Variants in SRRM1 observed in about 807,000 individuals in gnomAD.
SRRM1 encodes serine/arginine repetitive matrix protein 1.
A neutral mutation model predicts 110.2 loss-of-function variants in SRRM1; 19 were observed. The ratio of observed to expected loss-of-function variants is 0.17; its 90% CI spans 0.12 to 0.25. The LOEUF (loss-of-function observed/expected upper bound fraction) is 0.25. SRRM1 is among the 10% of genes least tolerant of loss of function. SRRM1 has a pLI of 1.00. For missense variants in SRRM1, 918 were observed against 1,145.8 expected (o/e 0.80, Z 2.87); for synonymous variants, 443 against 414.9 (o/e 1.07, Z -0.82).
At chr1:24,670,678 T>G (rs1313416787) in intron 15 of SRRM1, among the ~76,000 whole-genome samples, 1 of 152,174 alleles carries the variant, frequency 6.6e-6, no homozygotes, top group African/African-American at 2.4e-5. Flanking sequence ...TTTAACTTTT[T>G]GTAGAGACAG....
chr1:24,671,463 G>C lies in SRRM1; in HGVS notation c.2478G>C (p.Lys826Asn). 6.2e-7 allele frequency: 1 copy of C among 1,613,396 alleles called. No individual in the cohort carries two copies. Among genetic ancestry groups the C allele is most frequent in the Non-Finnish European group, 8.5e-7 (1 of 1,179,752 alleles). ...DKKHKKDKKH[K>N]KHKKHKKEKA... The stretch of plus-strand genomic sequence containing the variant: ...AACACAAAAAGGATAAGAAGCACAA[G>C]AAGCACAAAAAACACAAGAAGGAAA... Residue 826 changes from lysine to asparagine, a missense_variant, in exon 16 of 17, where the codon AAG becomes AAC. Around this residue, in one of 5 missense-constraint regions of SRRM1, gnomAD observed 62 missense variants for 127.6 expected, o/e 0.49. Transcript: ENST00000323848.
intron 1 of SRRM1, among the ~76,000 whole-genome samples, chr1:24,645,411 G>A (rs1656863944): frequency 1.3e-5 from 2 of 152,188 alleles, no homozygotes; most frequent in South Asian, 4.1e-4. Context: ...GATGATCTAA[G>A]GTAGTATTTG....
rs1362614615 is a variant in SRRM1 at position 24,669,234 on chromosome 1, T to C, written c.1851T>C (p.Pro617=). 2 of 1,613,814 alleles carry C rather than the reference T, an allele frequency of 1.2e-6. No individual in the cohort carries two copies. Among genetic ancestry groups the C allele is most frequent in the Admixed American group, 3.3e-5 (2 of 59,972 alleles). ...CTCCAAAGAGAAGAACGGCTTCACCTCCTCCCCCTCCTAAACGAAGAGCAT... is the reference window on the plus strand; with the variant it reads ...CTCCAAAGAGAAGAACGGCTTCACCCCCTCCCCCTCCTAAACGAAGAGCAT... ...SPPPKRRTAS[P]PPPPKRRASP... The change falls in exon 14 of 17, where the codon CCT becomes CCC. Residue 617 remains proline (P), a synonymous_variant. Transcript: ENST00000323848.
At chr1:24,666,964 C>T (rs759773376) in intron 13 of SRRM1, 39 bp downstream of exon 13, 6 of 1,241,176 alleles carry the variant, frequency 4.8e-6, no homozygotes, top group South Asian at 2.7e-5. Context: ...ATCTCCCCAA[C>T]TCCCCCCGCC....
At position 24,666,856 on chromosome 1, in the gene SRRM1, G is replaced by T; in HGVS notation, c.1670G>T (p.Arg557Met). ...AGTCCATCCCCACCACCCACCAGAA[G>T]GCGACGGTCTCCTTCTCCCGCCCCT... ...RRSPSPPPTR[R>M]RRSPSPAPPP... Residue 557 changes from arginine (R) to methionine (M), a missense_variant, in exon 13 of 17, where the codon AGG (arginine) becomes ATG (methionine). Transcript: ENST00000323848. The T allele has an allele frequency of 6.2e-7, 1 of 1,613,494 alleles. No individual in the cohort carries two copies. The highest frequency in any genetic ancestry group is 8.5e-7 in the Non-Finnish European group (1 of 1,179,814).
chr1:24,671,919 T>A (rs1672952653), intron 16 of SRRM1, among the ~76,000 whole-genome samples: 1 of 152,104 alleles, frequency 6.6e-6, no homozygotes, highest in Non-Finnish European at 1.5e-5. Flanking sequence ...TTGTTTGTTT[T>A]TTAATTTTAT....
At chr1:24,648,743 T>C in intron 3 of SRRM1, 116 bp from the exon 4 acceptor site, 1 of 837,092 alleles carries the variant, frequency 1.2e-6, no homozygotes, top group South Asian at 1.7e-5. Context: ...TATATATGTC[T>C]AAGCCCCTAT....
In SRRM1 at chr1:24,669,581, TAAA is replaced by T; in HGVS notation, c.2202_2204del (p.Lys735del). The T allele has an allele frequency of 6.5e-7, 1 of 1,544,218 alleles. No homozygotes were observed. The highest frequency in any genetic ancestry group is 8.8e-7 in the Non-Finnish European group (1 of 1,141,590). The stretch of plus-strand genomic sequence containing the variant: ...TCCAGGACTCCGGAACCTAAAAAGA[TAAA>T]AAAGTAAAAATATTTTATGCTTTTC... On this transcript the variant is annotated inframe_deletion, in exon 14 of 17. Coordinates refer to ENST00000323848, the MANE Select transcript of SRRM1 (RefSeq NM_005839.4).
At chr1:24,655,248 ACT>A in intron 9 of SRRM1, 119 bp downstream of exon 9, 2 of 1,151,356 alleles carry the variant, frequency 1.7e-6, no homozygotes, top group Non-Finnish European at 2.5e-6. Context: ...TGTATCTAAT[ACT>A]CTCTGTAGGT....
At chr1:24,665,746 A>G (rs1669682599) in intron 12 of SRRM1, among the ~76,000 whole-genome samples, 1 of 152,234 alleles carries the variant, frequency 6.6e-6, no homozygotes, top group African/African-American at 2.4e-5. Context: ...CTGGTTTTGA[A>G]TATTTTATAT....
At chr1:24,667,175 C>G (rs1670427172) in intron 13 of SRRM1, among the ~76,000 whole-genome samples, 1 of 152,072 alleles carries the variant, frequency 6.6e-6, no homozygotes, top group Admixed American at 6.6e-5. Context: ...ATGATTCCAT[C>G]TATATGAAAA....
rs180804812 is a variant in SRRM1 at position 24,671,199 on chromosome 1, G to T, written c.2401-187G>T. ...TGGAATTGAGCTCATCCTGGAGATA[G>T]CCCCTGACTTTTGAATACTTTTCTT... is the stretch of plus-strand genomic sequence containing the variant. On this transcript the variant is annotated intron_variant, in intron 15 of 16. Coordinates refer to ENST00000323848, the MANE Select transcript of SRRM1 (RefSeq NM_005839.4). Among the ~76,000 whole-genome samples the T allele has an allele frequency of 1.5e-4, 23 of 152,320 alleles. 1 individual carries two copies. Among genetic ancestry groups the T allele is most frequent in the Admixed American group, 1.2e-3 (18 of 15,302 alleles).
intron 16 of SRRM1, among the ~76,000 whole-genome samples, 191 bp downstream of exon 16, chr1:24,671,786 G>A (rs970363248): frequency 5.3e-5 from 8 of 151,162 alleles, no homozygotes; most frequent in African/African-American, 1.5e-4. Context: ...GTTGTGCAGC[G>A]ATCCCCACAC....
At chr1:24,647,021 CATGTT>C (rs1221602959) in intron 3 of SRRM1, 4 of 363,342 alleles carry the variant, frequency 1.1e-5, no homozygotes, top group Non-Finnish European at 2.0e-5. Flanking sequence ...TTTGCTGTTA[CATGTT>C]AAGTTACTTT....
chr1:24,646,992 C>CTT, intron 3 of SRRM1: 1 of 409,928 alleles, frequency 2.4e-6, no homozygotes, highest in East Asian at 4.0e-5. Context: ...GGTGAAAAAT[C>CTT]AAACTTATTG....
intron 6 of SRRM1, 134 bp from the exon 7 acceptor site, chr1:24,652,300 G>A (rs1570768178): frequency 3.4e-6 from 2 of 592,732 alleles, no homozygotes; most frequent in Non-Finnish European, 5.7e-6. Context: ...ACATACTTAT[G>A]TGTCTTTTGG....
Position 24,660,742 on chromosome 1 carries a change from A to G in SRRM1, c.1339A>G (p.Lys447Glu). The change falls in exon 10 of 17, where the codon AAA becomes GAA. Residue 447 changes from lysine to glutamate, a missense_variant. By Grantham distance (56) the Lys-to-Glu change is moderately conservative (BLOSUM62 1). This residue lies in a region of SRRM1 where 456 missense variants were observed against 453.5 expected (regional missense o/e 1.01). Transcript: ENST00000323848. ...AGTGACAAAACATAAAGGTACTGAG[A>G]AAAGAGAATCCCCTTCACCAGCACC... ...GKVTKHKGTE[K>E]RESPSPAPKP... is the part of the protein sequence containing the mutation. 2 of 1,587,506 alleles carry G rather than the reference A, an allele frequency of 1.3e-6. No individual in the cohort carries two copies. Among genetic ancestry groups the G allele is most frequent in the Non-Finnish European group, 1.7e-6 (2 of 1,168,738 alleles).
intron 13 of SRRM1, 87 bp from the exon 14 acceptor site, chr1:24,669,036 A>G: frequency 2.8e-6 from 3 of 1,071,508 alleles, no homozygotes; most frequent in Admixed American, 2.4e-5. Context: ...AGTGCTAACT[A>G]CAGTATAGCC....
intron 1 of SRRM1, 88 bp from the exon 2 acceptor site, chr1:24,645,896 A>G (rs920329492): frequency 5.7e-5 from 55 of 966,452 alleles, no homozygotes; most frequent in Non-Finnish European, 8.8e-5. Flanking sequence ...TTACTTGGTT[A>G]CCCTATTTTG....
Sources: gnomAD v4.1 joint callset for allele counts (sites outside exome capture counted in the v4.1 genomes callset) on GRCh38, gnomAD v4.1.1 for gene constraint, gnomAD v4.1.1 regional missense constraint, MANE v1.5 for transcripts, NCBI Gene and HGNC (gene_info 2026-07-23, HGNC 2026-07-21) for gene names.